TNS3: variants seen among roughly 807,000 people sequenced by gnomAD.
TNS3 encodes tensin-3.
Under a neutral mutation model 140.9 loss-of-function variants are expected in TNS3, and 45 were observed. The ratio of observed to expected loss-of-function variants is 0.32; its 90% confidence interval spans 0.25 to 0.41. TNS3 has a LOEUF of 0.41. Among genes scored for constraint, TNS3 ranks in the 10% least tolerant of loss-of-function variants. TNS3 has a pLI of 1.00. For missense variants in TNS3, 1,716 were observed against 1,906.7 expected (o/e 0.90, Z 1.86); for synonymous variants, 815 against 788.4 (o/e 1.03, Z -0.56).
At chr7:47,358,520 T>C (rs1189158064) in intron 17 of TNS3, among the ~76,000 whole-genome samples, 2 of 152,206 alleles carry the variant, frequency 1.3e-5, no homozygotes, top group South Asian at 2.1e-4. Context: ...CAGGGCCACA[T>C]GGGCTGCGCT....
At chr7:47,469,721 C>T (rs778734819) in intron 4 of TNS3, among the ~76,000 whole-genome samples, 1 of 152,120 alleles carries the variant, frequency 6.6e-6, no homozygotes, top group African/African-American at 2.4e-5. Flanking sequence ...CGCCTGTAAT[C>T]CCAGCACTCT....
At chr7:47,292,939 C>T in intron 25 of TNS3, 34 bp from the exon 26 acceptor site, 1 of 1,597,342 alleles carries the variant, frequency 6.3e-7, no homozygotes, top group Non-Finnish European at 8.6e-7. Context: ...CAAGAGTCAA[C>T]AACTGCTGTA....
intron 4 of TNS3, among the ~76,000 whole-genome samples, chr7:47,447,235 TC>T (rs1795788963): frequency 6.7e-6 from 1 of 149,610 alleles, no homozygotes; most frequent in Non-Finnish European, 1.5e-5. Flanking sequence ...GGAGGGTCAT[TC>T]TGGTTCCACA....
chr7:47,291,347 G>A (rs149158427), intron 27 of TNS3, among the ~76,000 whole-genome samples: 94 of 152,264 alleles, frequency 6.2e-4, no homozygotes, highest in Middle Eastern at 6.8e-3. Context: ...CTCAGGTGAC[G>A]AGGCTGTGTT....
intron 4 of TNS3, among the ~76,000 whole-genome samples, chr7:47,472,872 C>T (rs372803807): frequency 1.6e-4 from 24 of 152,294 alleles, no homozygotes; most frequent in Middle Eastern, 3.4e-3. Context: ...TTGTTCAGGA[C>T]GCAGCAGCTG....
intron 4 of TNS3, among the ~76,000 whole-genome samples, chr7:47,449,170 G>T (rs930372034): frequency 1.3e-5 from 2 of 152,226 alleles, no homozygotes; most frequent in Non-Finnish European, 2.9e-5. Context: ...TGTGCGCCTG[G>T]CACGGGTGCG....
intron 20 of TNS3, among the ~76,000 whole-genome samples, chr7:47,316,274 C>G (rs565683940): frequency 1.3e-5 from 2 of 152,248 alleles, no homozygotes; most frequent in East Asian, 3.9e-4. Flanking sequence ...TCTTCCATTA[C>G]ATTTCTAGGC....
chr7:47,486,147 C>A (rs1017659950), intron 3 of TNS3, among the ~76,000 whole-genome samples: 2 of 151,782 alleles, frequency 1.3e-5, no homozygotes, highest in Non-Finnish European at 2.9e-5. Context: ...CAAATATATT[C>A]TTTTGTGTGA....
chr7:47,393,356 G>GAGGGTCAGGAGGAGGGGATGC (rs1489126187), intron 16 of TNS3, among the ~76,000 whole-genome samples: 4 of 152,328 alleles, frequency 2.6e-5, no homozygotes, highest in South Asian at 4.1e-4. Flanking sequence ...CGTGGGGATG[G>GAGGGTCAGGAGGAGGGGATGC]AGGGTCAGGA....
intron 1 of TNS3, among the ~76,000 whole-genome samples, chr7:47,567,549 CA>C (rs1800456023): frequency 6.6e-6 from 1 of 151,840 alleles, no homozygotes; most frequent in Non-Finnish European, 1.5e-5. Context: ...TCGGGCATGG[CA>C]GGGGGCATCT....
intron 20 of TNS3, among the ~76,000 whole-genome samples, chr7:47,311,326 G>T (rs1025750649): frequency 3.3e-5 from 5 of 152,018 alleles, no homozygotes; most frequent in South Asian, 4.1e-4. Flanking sequence ...AATGGGTGCA[G>T]CACACCAACA....
intron 3 of TNS3, among the ~76,000 whole-genome samples, chr7:47,497,510 T>G (rs1168977276): frequency 6.6e-6 from 1 of 152,188 alleles, no homozygotes; most frequent in Non-Finnish European, 1.5e-5. Context: ...GACCCAGGTC[T>G]GTTATTCATT....
At chr7:47,290,745 TG>T (rs1785648764) in intron 27 of TNS3, among the ~76,000 whole-genome samples, 1 of 152,138 alleles carries the variant, frequency 6.6e-6, no homozygotes, top group Admixed American at 6.5e-5. Flanking sequence ...GAATGCAAAA[TG>T]GGACAGCCAC....
At chr7:47,342,045 T>C (rs1382291682) in intron 20 of TNS3, among the ~76,000 whole-genome samples, 1 of 152,172 alleles carries the variant, frequency 6.6e-6, no homozygotes. Context: ...TACTGATTTC[T>C]AGTGAGTCCA....
intron 20 of TNS3, among the ~76,000 whole-genome samples, chr7:47,322,459 T>C (rs974213531): frequency 1.3e-5 from 2 of 151,528 alleles, no homozygotes; most frequent in African/African-American, 4.9e-5. Context: ...GAGGCGGAGG[T>C]TGCAGTGAGC....
chr7:47,534,336 A>G (rs1032247260), intron 1 of TNS3, among the ~76,000 whole-genome samples: 2 of 151,944 alleles, frequency 1.3e-5, no homozygotes, highest in African/African-American at 2.4e-5. Context: ...AAGCCTTCAC[A>G]TAAGTTCTGA....
intron 28 of TNS3, 35 bp from the exon 29 acceptor site, chr7:47,280,389 T>C (rs1189372774): frequency 6.2e-7 from 1 of 1,603,810 alleles, no homozygotes; most frequent in South Asian, 1.1e-5. Context: ...ATGGCTCCTG[T>C]TACTAGGGCT....
intron 1 of TNS3, 27 bp downstream of exon 1, chr7:47,582,024 C>T (rs1292189374): frequency 6.6e-6 from 1 of 152,060 alleles, no homozygotes; most frequent in Non-Finnish European, 1.5e-5. Context: ...CGCGTGGCCG[C>T]GTTTCCTCCT....
chr7:47,422,681 T>C (rs1794438311), intron 10 of TNS3, among the ~76,000 whole-genome samples: 2 of 152,066 alleles, frequency 1.3e-5, no homozygotes, highest in Admixed American at 1.3e-4. Flanking sequence ...ATTCTTTTAA[T>C]GTTATAAACA....
Sources: allele counts gnomAD v4.1 joint callset (sites outside exome capture counted in the v4.1 genomes callset), GRCh38; gene constraint gnomAD v4.1.1; transcripts MANE v1.5; gene names NCBI Gene and HGNC (gene_info 2026-07-23, HGNC 2026-07-21).